Variants in LRRC49 observed in about 807,000 individuals in gnomAD.
LRRC49 encodes the protein leucine rich repeat containing 49, also known as leucine-rich repeat-containing protein 49.
Under a neutral mutation model 83.3 loss-of-function variants are expected in LRRC49, and 50 were observed. That is an observed-to-expected ratio of 0.60 (90% confidence interval 0.48 to 0.76). The LOEUF (loss-of-function observed/expected upper bound fraction) is 0.76. Among genes scored for constraint, LRRC49 ranks in the 30% least tolerant of loss-of-function variants. The pLI is 0.00. For synonymous variants in LRRC49, 286 were observed against 283.3 expected (o/e 1.01, Z -0.10); for missense variants, 704 against 809.1 (o/e 0.87, Z 1.58).
chr15:70,870,859 A>G (rs1349422118), intron 1 of LRRC49, among the ~76,000 whole-genome samples: 4 of 152,222 alleles, frequency 2.6e-5, no homozygotes, highest in Non-Finnish European at 5.9e-5. Context: ...ATCAAATTGT[A>G]ACTAAAAAAT....
intron 8 of LRRC49, among the ~76,000 whole-genome samples, chr15:70,945,519 CTGTGTGTGTGTGTGTGTGTG>C (rs749607668): frequency 3.8e-4 from 52 of 135,882 alleles, no homozygotes; most frequent in East Asian, 2.0e-3. Flanking sequence ...ATTTAACAAC[CTGTGTGTGTGTGTGTGTGTG>C]TGTGTGTGTG....
At chr15:70,949,583 A>G (rs2036141571) in intron 8 of LRRC49, among the ~76,000 whole-genome samples, 1 of 152,124 alleles carries the variant, frequency 6.6e-6, no homozygotes, top group African/African-American at 2.4e-5. Context: ...CCTCCCGTGG[A>G]TACCAAAATC....
At chr15:70,988,899 T>C (rs2037745431) in intron 11 of LRRC49, among the ~76,000 whole-genome samples, 1 of 152,220 alleles carries the variant, frequency 6.6e-6, no homozygotes, top group Admixed American at 6.5e-5. Flanking sequence ...CTTATGAAGC[T>C]TAGTTTGGCT....
chr15:70,971,796 CCTT>C (rs1236400943), intron 9 of LRRC49, among the ~76,000 whole-genome samples: 37 of 89,872 alleles, frequency 4.1e-4, no homozygotes, highest in Non-Finnish European at 4.6e-4. Flanking sequence ...TGTAACCACT[CCTT>C]TTTTTTTTTT....
chr15:70,907,954 C>G, intron 5 of LRRC49: 1 of 456,050 alleles, frequency 2.2e-6, no homozygotes, highest in South Asian at 1.5e-5. Flanking sequence ...TCTAGGTCAA[C>G]TGATGCCTTC....
At chr15:71,013,627 C>T (rs1395334059) in intron 14 of LRRC49, among the ~76,000 whole-genome samples, 1 of 152,092 alleles carries the variant, frequency 6.6e-6, no homozygotes, top group Non-Finnish European at 1.5e-5. Context: ...CACTAACTGA[C>T]GAGGTGGAGC....
intron 8 of LRRC49, among the ~76,000 whole-genome samples, chr15:70,963,275 C>CA (rs765094754): frequency 0.033 from 2,306 of 70,268 alleles, 50 homozygotes; most frequent in Non-Finnish European, 0.042. Flanking sequence ...GACCTGGTCT[C>CA]AAAAAAAAAA....
At chr15:70,975,626 A>T (rs1450957255) in intron 9 of LRRC49, among the ~76,000 whole-genome samples, 1 of 152,108 alleles carries the variant, frequency 6.6e-6, no homozygotes, top group Non-Finnish European at 1.5e-5. Flanking sequence ...CCAGGAGGTC[A>T]AAGCTGCAGT....
chr15:70,968,417 A>G (rs181377241), intron 9 of LRRC49, among the ~76,000 whole-genome samples: 10 of 152,278 alleles, frequency 6.6e-5, no homozygotes, highest in Admixed American at 5.2e-4. Context: ...AGTCTTTGCT[A>G]TTGTGAATAG....
chr15:71,018,977 C>T (rs2038911963), intron 14 of LRRC49, among the ~76,000 whole-genome samples: 1 of 152,116 alleles, frequency 6.6e-6, no homozygotes, highest in African/African-American at 2.4e-5. Context: ...TACAGATGAA[C>T]AGCCAGATAG....
intron 11 of LRRC49, among the ~76,000 whole-genome samples, chr15:71,003,555 C>T (rs2038341017): frequency 6.6e-6 from 1 of 152,142 alleles, no homozygotes; most frequent in Non-Finnish European, 1.5e-5. Context: ...CTTCATTCTC[C>T]AGTCAACCAC....
intron 14 of LRRC49, among the ~76,000 whole-genome samples, chr15:71,036,753 C>T (rs2039532055): frequency 6.6e-6 from 1 of 152,242 alleles, no homozygotes; most frequent in East Asian, 1.9e-4. Flanking sequence ...TTCTAGCTAT[C>T]AGTAATATTG....
rs755834061 is a variant in LRRC49 at position 71,037,283 on chromosome 15, G to A, written c.1808G>A (p.Arg603His). The stretch of plus-strand genomic sequence containing the variant: ...AGACTTGTAGGAGAAAACACAAATC[G>A]TGCTACATTAAATTATACTACAAGA... Reference protein sequence around the residue: ...SKRLVGENTNRATLNYTTRDF... With the variant: ...SKRLVGENTNHATLNYTTRDF... The change falls in exon 15 of 16, where the codon CGT becomes CAT. Residue 603 changes from arginine to histidine, a missense_variant. Arg to His is a conservative substitution (Grantham distance 29). Around this residue, in one of 3 missense-constraint regions of LRRC49, gnomAD observed 275 missense variants for 338.0 expected, o/e 0.81. Coordinates refer to ENST00000260382, the MANE Select transcript of LRRC49 (RefSeq NM_017691.5). 5 of 1,609,034 alleles carry A rather than the reference G, an allele frequency of 3.1e-6. No homozygotes were observed. Among genetic ancestry groups the A allele is most frequent in the East Asian group, 2.2e-5 (1 of 44,744 alleles).
At chr15:70,927,722 A>G (rs1198677001) in intron 7 of LRRC49, among the ~76,000 whole-genome samples, 1 of 152,150 alleles carries the variant, frequency 6.6e-6, no homozygotes, top group Admixed American at 6.5e-5. Context: ...AACATAGCAC[A>G]CTGCAGCCTT....
At chr15:70,892,588 T>A, upstream of LRRC49, 1 of 1,472,514 alleles carries the variant, frequency 6.8e-7, no homozygotes, top group South Asian at 1.3e-5. Flanking sequence ...TGGTGGTGGT[T>A]ATAGCAACCA....
rs141048390 is a variant in LRRC49 at position 71,047,304 on chromosome 15, C to A, written c.1858-2105C>A. On this transcript the variant is annotated intron_variant, in intron 15 of 15. Transcript: ENST00000260382. ...TATGGCCATTTTTATGATATTGATT[C>A]TTCCAATCCATCAGCAGGGAATGTT... 3.7e-3 allele frequency among the ~76,000 whole-genome samples: 557 copies of A among 152,232 alleles called. 6 individuals are homozygous for A. The highest frequency in any genetic ancestry group is 0.013 in the African/African-American group (539 of 41,548).
At chr15:70,910,729 TGTTC>T (rs2034516221) in intron 5 of LRRC49, among the ~76,000 whole-genome samples, 1 of 152,228 alleles carries the variant, frequency 6.6e-6, no homozygotes, top group Admixed American at 6.5e-5. Context: ...TTAGTTAGTA[TGTTC>T]GTTCATTCAT....
Position 71,009,907 on chromosome 15 carries a change from A to G in LRRC49, c.1508A>G (p.Asn503Ser), listed in dbSNP as rs770770417. Residue 503 changes from asparagine (N) to serine (S), a missense_variant, in exon 13 of 16, where the codon AAT becomes AGT. Asn to Ser is a conservative substitution (Grantham distance 46). Transcript: ENST00000260382. ...IDQLTIDPQG[N>S]PVVNFTLWKY... ...CAGTTGACAATTGATCCTCAAGGAA[A>G]TCCAGTTGTCAATTTTACACTCTGG... The G allele has an allele frequency of 8.7e-6, 14 of 1,611,988 alleles. No individual in the cohort carries two copies. The highest frequency in any genetic ancestry group is 1.1e-5 in the Non-Finnish European group (13 of 1,178,344).
intron 7 of LRRC49, among the ~76,000 whole-genome samples, chr15:70,935,915 A>T (rs1332003690): frequency 1.3e-5 from 2 of 152,186 alleles, no homozygotes; most frequent in Non-Finnish European, 2.9e-5. Context: ...TAGGTGAATA[A>T]TAAAGTTGTA....
Sources: gnomAD v4.1 joint callset for allele counts (sites outside exome capture counted in the v4.1 genomes callset) on GRCh38, gnomAD v4.1.1 for gene constraint, gnomAD v4.1.1 regional missense constraint, MANE v1.5 for transcripts, NCBI Gene and HGNC (gene_info 2026-07-23, HGNC 2026-07-21) for gene names.